ERO1B: variants seen among roughly 807,000 people sequenced by gnomAD.
ERO1B encodes the protein endoplasmic reticulum oxidoreductase 1 beta.
Under a neutral mutation model 75.3 loss-of-function variants are expected in ERO1B, and 49 were observed. The observed-to-expected ratio is 0.65, with a 90% CI of 0.52 to 0.83. The LOEUF (loss-of-function observed/expected upper bound fraction) is 0.83, where lower values mean the gene tolerates loss of function less well. Ranked by LOEUF, ERO1B falls within the 40% of genes least tolerant of loss-of-function variation. The pLI is 0.00. For missense variants in ERO1B, 512 were observed against 560.1 expected, an observed-to-expected ratio of 0.91 and a Z score of 0.87; for synonymous variants, 191 against 192.9, an observed-to-expected ratio of 0.99 and a Z score of 0.08.
At chr1:236,252,298 A>G (rs1453964089) in intron 3 of ERO1B, among the ~76,000 whole-genome samples, 1 of 152,204 alleles carries the variant, frequency 6.6e-6, no homozygotes, top group African/African-American at 2.4e-5. Flanking sequence ...CAAAGTATAG[A>G]AAACTGAATG....
chr1:236,221,680 A>G, intron 14 of ERO1B: 1 of 396,062 alleles, frequency 2.5e-6, no homozygotes, highest in Non-Finnish European at 4.5e-6. Flanking sequence ...TGAATCTGGT[A>G]TTGTATCAAT....
chr1:236,249,361 GA>G (rs1430465154), intron 5 of ERO1B, among the ~76,000 whole-genome samples: 1 of 151,986 alleles, frequency 6.6e-6, no homozygotes, highest in Non-Finnish European at 1.5e-5. Context: ...GAATGTAAAG[GA>G]ATTTCTGAAA....
chr1:236,235,713 T>C, intron 8 of ERO1B, 76 bp downstream of exon 8: 1 of 1,295,328 alleles, frequency 7.7e-7, no homozygotes, highest in South Asian at 1.3e-5. Flanking sequence ...ATGAAAGTTT[T>C]TTCAATATGA....
chr1:236,279,513 A>AAAAAC (rs1558525550), intron 1 of ERO1B, among the ~76,000 whole-genome samples: 3 of 144,358 alleles, frequency 2.1e-5, no homozygotes, highest in Non-Finnish European at 3.1e-5. Context: ...TCAAAAAAAA[A>AAAAAC]AAAAAAACAG....
In ERO1B at chr1:236,222,074, C is replaced by T. The variant is rs776589249; in HGVS notation, c.1123-64G>A. The T allele has an allele frequency of 1.7e-4, 214 of 1,237,416 alleles. 1 individual carries two copies. Among genetic ancestry groups the T allele is most frequent in the South Asian group, 4.8e-4 (39 of 80,596 alleles). The allele number at this position is 1,237,416 out of a possible 1,614,324, so 76.7% of individuals were successfully genotyped here. A position where few individuals can be genotyped will look rare whatever the true frequency, so the allele number is the denominator to read the frequency against. ...TAAAATTGAACCGCATTTGGCTAAA[C>T]GATAAGTAAGTTTTGATGCTTATTA... On this transcript the variant is annotated intron_variant, in intron 13 of 15. Transcript: ENST00000354619.
At chr1:236,219,442 G>C (rs1034290502) in intron 15 of ERO1B, among the ~76,000 whole-genome samples, 12 of 152,134 alleles carry the variant, frequency 7.9e-5, no homozygotes, top group African/African-American at 2.9e-4. Flanking sequence ...TTATGAGATC[G>C]AAGGAAATTT....
chr1:236,278,801 G>A (rs961295358), intron 1 of ERO1B, among the ~76,000 whole-genome samples: 9 of 152,064 alleles, frequency 5.9e-5, no homozygotes, highest in African/African-American at 2.2e-4. Context: ...ATACAAACAC[G>A]TATCATTTTG....
At position 236,226,229 on chromosome 1, in the gene ERO1B, C is replaced by G. The variant is rs143830139; in HGVS notation, c.1052+40G>C. On this transcript the variant is annotated intron_variant, in intron 12 of 15. Transcript: ENST00000354619. ...CTTTAAGTGCTACCTCATTTGAATA[C>G]AGAGAGGAGAATTTCAAATCACGGA... 8.1e-5 allele frequency: 130 copies of G among 1,601,688 alleles called. No homozygotes were observed. The African/African-American group carries it at 1.0e-3, about 13-fold the overall frequency.
intron 15 of ERO1B, 111 bp from the exon 16 acceptor site, chr1:236,218,687 ACC>A: frequency 1.1e-6 from 1 of 947,274 alleles, no homozygotes; most frequent in Non-Finnish European, 1.4e-6. Flanking sequence ...AAAATAAAAA[ACC>A]TCAAACACTG....
At chr1:236,222,589 T>C (rs890687473) in intron 13 of ERO1B, among the ~76,000 whole-genome samples, 8 of 152,222 alleles carry the variant, frequency 5.3e-5, no homozygotes, top group African/African-American at 1.7e-4. Flanking sequence ...GATACAAAAG[T>C]AAATAATACA....
chr1:236,267,364 C>A (rs1465650958), intron 2 of ERO1B, among the ~76,000 whole-genome samples: 1 of 152,154 alleles, frequency 6.6e-6, no homozygotes, highest in Non-Finnish European at 1.5e-5. Context: ...TAAACTATTA[C>A]TTTTTCATTT....
chr1:236,274,808 G>A (rs1012516715), intron 1 of ERO1B, among the ~76,000 whole-genome samples: 1 of 152,022 alleles, frequency 6.6e-6, no homozygotes, highest in Non-Finnish European at 1.5e-5. Flanking sequence ...GGGAAAAGGG[G>A]GTGCAAAATG....
chr1:236,273,063 A>T (rs1329311287), intron 1 of ERO1B, among the ~76,000 whole-genome samples: 1 of 152,200 alleles, frequency 6.6e-6, no homozygotes, highest in Non-Finnish European at 1.5e-5. Flanking sequence ...TGCATGGCAA[A>T]GGGGACTTCA....
At chr1:236,230,723 C>T (rs1476915142) in intron 9 of ERO1B, among the ~76,000 whole-genome samples, 3 of 150,614 alleles carry the variant, frequency 2.0e-5, no homozygotes, top group African/African-American at 4.9e-5. Context: ...GAAATAAAAC[C>T]TACAAATAAT....
intron 1 of ERO1B, among the ~76,000 whole-genome samples, chr1:236,276,313 C>T (rs945692649): frequency 5.3e-5 from 8 of 152,124 alleles, no homozygotes; most frequent in African/African-American, 1.7e-4. Flanking sequence ...GTCCACTGTA[C>T]ATTTGGTATT....
chr1:236,240,479 A>G (rs1054175564), intron 6 of ERO1B, among the ~76,000 whole-genome samples: 1 of 152,108 alleles, frequency 6.6e-6, no homozygotes, highest in Non-Finnish European at 1.5e-5. Context: ...CTCACTATTA[A>G]AACATGATTT....
chr1:236,244,610 TAAC>T (rs1664795930), intron 5 of ERO1B, among the ~76,000 whole-genome samples: 1 of 152,308 alleles, frequency 6.6e-6, no homozygotes, highest in East Asian at 1.9e-4. Flanking sequence ...ATTTTCTTGT[TAAC>T]AATATGACTT....
intron 3 of ERO1B, among the ~76,000 whole-genome samples, chr1:236,252,677 C>T (rs145535217): frequency 1.5e-3 from 222 of 152,224 alleles, no homozygotes; most frequent in African/African-American, 5.2e-3. Context: ...TTATTACAAC[C>T]AGTTTATCAA....
chr1:236,256,532 C>T (rs1279967936), intron 2 of ERO1B, among the ~76,000 whole-genome samples: 9 of 152,024 alleles, frequency 5.9e-5, no homozygotes, highest in Middle Eastern at 3.4e-3. Context: ...TGGAAGGAGG[C>T]GGGGGGACCT....
Sources: gnomAD v4.1 joint callset for allele counts (sites outside exome capture counted in the v4.1 genomes callset) on GRCh38, gnomAD v4.1.1 for gene constraint, MANE v1.5 for transcripts, NCBI Gene and HGNC (gene_info 2026-07-23, HGNC 2026-07-21) for gene names.